Variants in MTTP observed in about 807,000 individuals in gnomAD.
The protein encoded by MTTP is microsomal triglyceride transfer protein.
MTTP carries 49 observed loss-of-function variants against 90.6 expected under a neutral mutation model. The observed-to-expected ratio is 0.54, with a 90% confidence interval of 0.43 to 0.69. The LOEUF (loss-of-function observed/expected upper bound fraction) is 0.69. Ranked by LOEUF, MTTP falls within the 30% of genes least tolerant of loss-of-function variation. The pLI, the probability that MTTP is intolerant of heterozygous loss-of-function variation, is 0.00. For synonymous variants in MTTP, 347 were observed against 384.2 expected (o/e 0.90, Z 1.13); for missense variants, 945 against 1,067.5 (o/e 0.89, Z 1.60).
At chr4:99,599,771 T>C (rs1475481387) in intron 8 of MTTP, among the ~76,000 whole-genome samples, 1 of 152,216 alleles carries the variant, frequency 6.6e-6, no homozygotes, top group Non-Finnish European at 1.5e-5. Flanking sequence ...CTTAATTCAC[T>C]AGTTTTTTGT....
intron 14 of MTTP, 98 bp downstream of exon 14, chr4:99,611,551 A>G: frequency 6.8e-7 from 1 of 1,477,698 alleles, no homozygotes; most frequent in South Asian, 1.1e-5. Flanking sequence ...TATAGAATGT[A>G]TAAGTTAATG....
chr4:99,570,883 C>G, upstream of MTTP: 1 of 419,432 alleles, frequency 2.4e-6, no homozygotes, highest in Non-Finnish European at 4.7e-6. Context: ...ACAAATTCTC[C>G]CCTAAAGCCT....
At position 99,574,856 on chromosome 4, in the gene MTTP, C is replaced by T. The variant is rs181769817; in HGVS notation, c.-54C>T. ...CACTGGCTGCCATTGAAAGAGTCCA[C>T]TTCTCAGTGACTCCTAGCTGGGCAC... On this transcript the variant is annotated 5_prime_UTR_variant, in exon 1 of 18. Transcript: ENST00000265517. 2.2e-5 allele frequency: 36 copies of T among 1,614,054 alleles called. No individual in the cohort carries two copies. The East Asian group carries it at 7.8e-4, about 35-fold the overall frequency.
Position 99,581,907 on chromosome 4 carries a change from C to T in MTTP, c.64C>T (p.His22Tyr), listed in dbSNP as rs759200881. 57 of 1,614,014 alleles carry T rather than the reference C, an allele frequency of 3.5e-5. 1 individual carries two copies. The South Asian group carries it at 5.3e-4, about 15-fold the overall frequency. ...TATGTGTCATTATCTTTATGCAGGT[C>T]ACACAACTGGTCTCTCATTAAATAA... Reference protein sequence around the residue: ...ISSYSASVKGHTTGLSLNNDR... With the variant: ...ISSYSASVKGYTTGLSLNNDR... Residue 22 changes from histidine (H) to tyrosine (Y), a missense_variant and splice_region_variant, in exon 2 of 18, where the codon CAC becomes TAC. Coordinates refer to ENST00000265517, the MANE Select transcript of MTTP (RefSeq NM_001386140.1).
Position 99,622,931 on chromosome 4 carries a change from C to A in MTTP, c.*83C>A. On this transcript the variant is annotated 3_prime_UTR_variant, in exon 18 of 18. Coordinates refer to ENST00000265517, the MANE Select transcript of MTTP (RefSeq NM_001386140.1). ...TGACTAAGTACTTGCTCTCTGAGAGCACAGCGTTTACATATTTACCTGTAT... is the reference window on the plus strand; with the variant it reads ...TGACTAAGTACTTGCTCTCTGAGAGAACAGCGTTTACATATTTACCTGTAT... 6.9e-7 allele frequency: 1 copy of A among 1,452,542 alleles called. No individual in the cohort carries two copies. Among genetic ancestry groups the A allele is most frequent in the Non-Finnish European group, 9.7e-7 (1 of 1,034,162 alleles). 90.0% of individuals were successfully genotyped at this position (1,452,542 alleles called of 1,614,324 possible).
intron 2 of MTTP, among the ~76,000 whole-genome samples, chr4:99,582,476 A>G (rs535841024): frequency 6.6e-6 from 1 of 152,322 alleles, no homozygotes; most frequent in East Asian, 1.9e-4. Flanking sequence ...AGGTTCCTGC[A>G]TTCCTTGATA....
chr4:99,584,386 A>G (rs1404369642), intron 3 of MTTP, among the ~76,000 whole-genome samples: 1 of 152,146 alleles, frequency 6.6e-6, no homozygotes, highest in Admixed American at 6.6e-5. Context: ...AAAATAAAGA[A>G]AAACTGATCT....
chr4:99,573,353 A>C (rs902067345), upstream of MTTP, among the ~76,000 whole-genome samples: 1 of 152,190 alleles, frequency 6.6e-6, no homozygotes, highest in Non-Finnish European at 1.5e-5. Context: ...AAGCACTTTC[A>C]CATTGCCTTG....
At chr4:99,599,925 T>C (rs1175356375) in intron 8 of MTTP, among the ~76,000 whole-genome samples, 2 of 152,140 alleles carry the variant, frequency 1.3e-5, no homozygotes, top group Non-Finnish European at 2.9e-5. Context: ...TTTTAGAAGT[T>C]TTACCATCCC....
intron 17 of MTTP, among the ~76,000 whole-genome samples, chr4:99,621,790 T>A (rs1726239612): frequency 6.6e-6 from 1 of 152,210 alleles, no homozygotes; most frequent in Admixed American, 6.5e-5. Context: ...TACAAAGATA[T>A]AATTTCCATG....
intron 15 of MTTP, 21 bp downstream of exon 15, chr4:99,613,161 G>A (rs1389307332): frequency 1.3e-6 from 2 of 1,593,454 alleles, no homozygotes; most frequent in East Asian, 4.5e-5. Context: ...CAGTCTGTGA[G>A]TATTTATTGA....
chr4:99,620,986 TA>T, intron 16 of MTTP, 74 bp from the exon 17 acceptor site: 1 of 1,406,148 alleles, frequency 7.1e-7, no homozygotes. Context: ...TCAGACCCTG[TA>T]AAGTTACAGC....
chr4:99,566,304 A>G (rs1578224719), intron 1 of MTTP, among the ~76,000 whole-genome samples: 1 of 151,486 alleles, frequency 6.6e-6, no homozygotes, highest in South Asian at 2.1e-4. Flanking sequence ...AAAGAAAAAA[A>G]AAAAAAAAAA....
intron 8 of MTTP, among the ~76,000 whole-genome samples, chr4:99,599,898 A>G (rs1300338280): frequency 6.6e-6 from 1 of 152,152 alleles, no homozygotes; most frequent in Non-Finnish European, 1.5e-5. Flanking sequence ...ACATGTGTTA[A>G]TTAGTATGAC....
intron 11 of MTTP, among the ~76,000 whole-genome samples, chr4:99,607,866 C>T (rs750766370): frequency 6.6e-6 from 1 of 152,014 alleles, no homozygotes. Flanking sequence ...ATTGTTGATA[C>T]AAGGGGTGAT....
intron 12 of MTTP, 37 bp downstream of exon 12, chr4:99,609,014 G>A: frequency 6.4e-7 from 1 of 1,558,090 alleles, no homozygotes; most frequent in South Asian, 1.1e-5. Context: ...GTGTATTCAA[G>A]CTTATTTGTG....
chr4:99,577,135 C>T (rs553842913), intron 1 of MTTP, among the ~76,000 whole-genome samples: 14 of 152,104 alleles, frequency 9.2e-5, no homozygotes, highest in Non-Finnish European at 1.6e-4. Context: ...ATTCTTTGCC[C>T]TTGTAACAAC....
In MTTP at chr4:99,591,765, A is replaced by G. The variant is rs759027589; in HGVS notation, c.733A>G (p.Thr245Ala). The stretch of plus-strand genomic sequence containing the variant: ...CAATTTTGGACTGAATTTCCTACAA[A>G]CCATTAAGGGGAAAATAGTATCGAA... ...THNFGLNFLQ[T>A]IKGKIVSKQK... Residue 245 changes from threonine (T) to alanine (A), a missense_variant, in exon 6 of 18, where the codon ACC becomes GCC. By Grantham distance (58) the Thr-to-Ala change is moderately conservative. Coordinates refer to ENST00000265517, the MANE Select transcript of MTTP (RefSeq NM_001386140.1). 2 of 1,612,858 alleles carry G rather than the reference A, an allele frequency of 1.2e-6. 1 individual carries two copies. Among genetic ancestry groups the G allele is most frequent in the South Asian group, 2.2e-5 (2 of 91,008 alleles).
chr4:99,603,989 T>C (rs1725756447), intron 10 of MTTP, among the ~76,000 whole-genome samples: 1 of 152,194 alleles, frequency 6.6e-6, no homozygotes, highest in African/African-American at 2.4e-5. Context: ...TTCAATTTTG[T>C]TAATATTTTT....
Sources: allele counts gnomAD v4.1 joint callset (sites outside exome capture counted in the v4.1 genomes callset), GRCh38; gene constraint gnomAD v4.1.1; transcripts MANE v1.5; gene names NCBI Gene and HGNC (gene_info 2026-07-23, HGNC 2026-07-21).